Variants in SDK2 observed in about 807,000 individuals in gnomAD.
SDK2 encodes sidekick cell adhesion molecule 2, also known as protein sidekick-2.
Under a neutral mutation model 253.9 loss-of-function variants are expected in SDK2, and 105 were observed. The ratio of observed to expected loss-of-function variants is 0.41; its 90% CI spans 0.35 to 0.49. SDK2 has a LOEUF of 0.49. Among genes scored for constraint, SDK2 ranks in the 20% least tolerant of loss-of-function variants. The pLI is 0.06. For synonymous variants in SDK2, 1,249 were observed against 1,234.9 expected (o/e 1.01, Z -0.24); for missense variants, 2,608 against 3,003.0 (o/e 0.87, Z 3.07).
At chr17:73,483,639 A>AGG (rs2063746298) in intron 2 of SDK2, among the ~76,000 whole-genome samples, 1 of 48,236 alleles carries the variant, frequency 2.1e-5, no homozygotes, top group South Asian at 8.7e-4. Flanking sequence ...ATGTATATAT[A>AGG]TATGTGTGTG....
In SDK2 at chr17:73,557,089, T is replaced by C. The variant is rs12325919; in HGVS notation, c.65-49492A>G. ...AATTCTCCAGAATATTCTGGCTGTA[T>C]AAAACCGAGCAAATCAATTTCTCTG... is the stretch of plus-strand genomic sequence containing the variant. On this transcript the variant is annotated intron_variant, in intron 1 of 44. Transcript: ENST00000392650. Among the ~76,000 whole-genome samples the C allele has an allele frequency of 8.7e-3, 1,318 of 152,352 alleles. 10 individuals are homozygous for C. Among genetic ancestry groups the C allele is most frequent in the South Asian group, 0.03 (143 of 4,832 alleles).
chr17:73,584,609 C>T (rs1196143357), intron 1 of SDK2, among the ~76,000 whole-genome samples: 1 of 152,200 alleles, frequency 6.6e-6, no homozygotes, highest in African/African-American at 2.4e-5. Flanking sequence ...GGATCAAAGG[C>T]CCTGAGCTCC....
chr17:73,461,721 G>A (rs2063563660), intron 3 of SDK2, among the ~76,000 whole-genome samples: 1 of 152,138 alleles, frequency 6.6e-6, no homozygotes, highest in Non-Finnish European at 1.5e-5. Flanking sequence ...GTGGATGAAT[G>A]GAGGAAGGGC....
Position 73,348,685 on chromosome 17 carries a change from C to T in SDK2, c.6079G>A (p.Asp2027Asn), listed in dbSNP as rs769725413. 4.3e-6 allele frequency: 7 copies of T among 1,611,644 alleles called. No individual in the cohort carries two copies. The South Asian group carries it at 5.5e-5, about 13-fold the overall frequency. Residue 2027 changes from aspartate to asparagine, a missense_variant, in exon 44 of 45, where the codon GAT becomes AAT. This residue lies in a region of SDK2 where 1,103 missense variants were observed against 1,143.9 expected (regional missense o/e 0.96). Coordinates refer to ENST00000392650, the MANE Select transcript of SDK2 (RefSeq NM_001144952.2). Reference sequence around the variant, plus strand: ...TCGTTGTATTTGGTGACATCCTCATCCGAGTAGTGCAGGCTGCCTGGGCTG... The same window carrying T: ...TCGTTGTATTTGGTGACATCCTCATTCGAGTAGTGCAGGCTGCCTGGGCTG... ...RPSPGSLHYS[D>N]EDVTKYNDLI...
At chr17:73,358,992 G>A (rs1248879911) in intron 39 of SDK2, among the ~76,000 whole-genome samples, 3 of 152,028 alleles carry the variant, frequency 2.0e-5, no homozygotes, top group Admixed American at 6.5e-5. Context: ...CCAGGTATCT[G>A]TCTGCAAGGG....
chr17:73,391,837 C>T (rs575302468), intron 27 of SDK2, among the ~76,000 whole-genome samples: 4 of 152,330 alleles, frequency 2.6e-5, no homozygotes, highest in South Asian at 2.1e-4. Flanking sequence ...CAGAGCTGGG[C>T]GCGTGGGCCC....
intron 36 of SDK2, among the ~76,000 whole-genome samples, chr17:73,375,230 CTTTTTTTTTTTTTTTT>C (rs33992958): frequency 3.4e-5 from 2 of 58,580 alleles, no homozygotes; most frequent in Admixed American, 3.0e-4. Context: ...TCCTAACAAC[CTTTTTTTTTTTTTTTT>C]TTTTTTTTTT....
intron 1 of SDK2, among the ~76,000 whole-genome samples, chr17:73,542,941 C>A (rs911896248): frequency 6.6e-6 from 1 of 152,116 alleles, no homozygotes; most frequent in Non-Finnish European, 1.5e-5. Flanking sequence ...CCCTGGAGAG[C>A]GAGACTCGGA....
intron 27 of SDK2, among the ~76,000 whole-genome samples, chr17:73,392,051 G>A (rs1266027565): frequency 2.0e-5 from 3 of 152,226 alleles, no homozygotes; most frequent in South Asian, 2.1e-4. Flanking sequence ...CATGGGCCTC[G>A]TCCCCACATC....
intron 27 of SDK2, among the ~76,000 whole-genome samples, chr17:73,392,731 T>C (rs1200242668): frequency 1.3e-5 from 2 of 151,964 alleles, no homozygotes; most frequent in Admixed American, 6.6e-5. Context: ...GTCCGGTTCC[T>C]GCAAATGTCT....
chr17:73,613,766 C>T (rs1253110531), intron 1 of SDK2, among the ~76,000 whole-genome samples: 1 of 152,156 alleles, frequency 6.6e-6, no homozygotes, highest in Admixed American at 6.5e-5. Flanking sequence ...TGGGATGCCT[C>T]AGCCAAGCCC....
At chr17:73,365,762 C>T (rs995555548) in intron 37 of SDK2, among the ~76,000 whole-genome samples, 4 of 152,104 alleles carry the variant, frequency 2.6e-5, no homozygotes, top group Admixed American at 6.5e-5. Context: ...TTGCGGGGTT[C>T]GTCTTTTGGC....
intron 1 of SDK2, among the ~76,000 whole-genome samples, chr17:73,509,608 G>A (rs1051276878): frequency 6.7e-6 from 1 of 148,798 alleles, no homozygotes; most frequent in African/African-American, 2.5e-5. Flanking sequence ...TGGGCGACAT[G>A]GTGAGACCCC....
At chr17:73,445,722 A>G (rs1291427364) in intron 5 of SDK2, among the ~76,000 whole-genome samples, 2 of 152,132 alleles carry the variant, frequency 1.3e-5, no homozygotes, top group East Asian at 3.8e-4. Flanking sequence ...GCAGGCAGGC[A>G]GGCAGGCTGG....
chr17:73,440,688 A>C (rs2063408429), intron 6 of SDK2, 124 bp downstream of exon 6: 2 of 740,618 alleles, frequency 2.7e-6, no homozygotes, highest in Admixed American at 4.1e-5. Flanking sequence ...GTCTCCTTGC[A>C]TCCCTCCTCC....
intron 1 of SDK2, among the ~76,000 whole-genome samples, chr17:73,549,705 C>T (rs1252105357): frequency 3.3e-5 from 5 of 151,994 alleles, no homozygotes; most frequent in Admixed American, 2.0e-4. Flanking sequence ...CCCGGTCAGA[C>T]AGAATGCGGC....
Position 73,431,594 on chromosome 17 carries a change from C to T in SDK2, c.1388G>A (p.Ser463Asn). The T allele has an allele frequency of 6.2e-7, 1 of 1,613,404 alleles. No homozygotes were observed. The highest frequency in any genetic ancestry group is 8.5e-7 in the Non-Finnish European group (1 of 1,179,680). The change falls in exon 11 of 45, where the codon AGC becomes AAC. Residue 463 changes from serine (S) to asparagine (N), a missense_variant. Around this residue, in one of 2 missense-constraint regions of SDK2, gnomAD observed 1,505 missense variants for 1,859.1 expected, o/e 0.81. Transcript: ENST00000392650. The surrounding 1 kb of genome is among the most constrained non-coding windows in gnomAD (Gnocchi z 5.6). ...CCCCGCATCGGAGATGTGTGTGGGG[C>T]TGATGAGGAGGCTGCCCGACTCCAG... is the stretch of plus-strand genomic sequence containing the variant. ...TPLESGSLLI[S>N]PTHISDAGTY...
intron 40 of SDK2, among the ~76,000 whole-genome samples, chr17:73,355,176 T>TATATATATATA (rs1568363071): frequency 0.014 from 83 of 5,748 alleles, 1 homozygote; most frequent in African/African-American, 0.04. Flanking sequence ...ATATATATAT[T>TATATATATATA]TTTTTTTTTT....
Position 73,534,800 on chromosome 17 carries a change from C to T in SDK2, c.65-27203G>A, listed in dbSNP as rs1167233483. On this transcript the variant is annotated intron_variant, in intron 1 of 44. Coordinates refer to ENST00000392650, the MANE Select transcript of SDK2 (RefSeq NM_001144952.2). The surrounding 1 kb of genome is among the most constrained non-coding windows in gnomAD (Gnocchi z 4.9). Reference sequence around the variant, plus strand: ...AAAGCGGCTTCTATTACCTAAACTCCCCTTCTTCTCAGTAGGCTGGGGGCA... The same window carrying T: ...AAAGCGGCTTCTATTACCTAAACTCTCCTTCTTCTCAGTAGGCTGGGGGCA... 2.0e-5 allele frequency among the ~76,000 whole-genome samples: 3 copies of T among 152,140 alleles called. No individual in the cohort carries two copies. The highest frequency in any genetic ancestry group is 4.4e-5 in the Non-Finnish European group (3 of 68,034).
Sources: gnomAD v4.1 joint callset for allele counts (sites outside exome capture counted in the v4.1 genomes callset) on GRCh38, gnomAD v4.1.1 for gene constraint, gnomAD v4.1.1 regional missense constraint, Gnocchi (gnomAD v3.1) non-coding constraint, MANE v1.5 for transcripts, NCBI Gene and HGNC (gene_info 2026-07-23, HGNC 2026-07-21) for gene names.